PTPRS: variants seen among roughly 807,000 people sequenced by gnomAD.
PTPRS encodes receptor-type tyrosine-protein phosphatase S.
A neutral mutation model predicts 215.3 loss-of-function variants in PTPRS; 63 were observed. The observed-to-expected ratio is 0.29, with a 90% CI of 0.24 to 0.36. The LOEUF (loss-of-function observed/expected upper bound fraction) is 0.36, where lower values mean the gene tolerates loss of function less well. Ranked by LOEUF, PTPRS falls within the 10% of genes least tolerant of loss-of-function variation. PTPRS has a pLI of 1.00. For synonymous variants in PTPRS, 1,404 were observed against 1,191.4 expected, an observed-to-expected ratio of 1.18 and a Z score of -3.68; for missense variants, 2,258 against 2,825.8, an observed-to-expected ratio of 0.80 and a Z score of 4.56.
intron 12 of PTPRS, among the ~76,000 whole-genome samples, chr19:5,239,339 C>G (rs1461146269): frequency 1.4e-5 from 2 of 148,138 alleles, no homozygotes; most frequent in Non-Finnish European, 3.0e-5. Flanking sequence ...CAGAGAGAAA[C>G]AGGGGAGAGA....
At chr19:5,285,494 A>C (rs1373489624) in intron 2 of PTPRS, among the ~76,000 whole-genome samples, 1 of 152,112 alleles carries the variant, frequency 6.6e-6, no homozygotes, top group Non-Finnish European at 1.5e-5. Flanking sequence ...CTATCGGCGA[A>C]CTCCTATACA....
chr19:5,239,610 A>G (rs940579358), intron 12 of PTPRS, among the ~76,000 whole-genome samples: 2 of 151,422 alleles, frequency 1.3e-5, no homozygotes, highest in Non-Finnish European at 3.0e-5. Context: ...ACAGAGAAAC[A>G]GGGGAGAGAG....
chr19:5,297,387 G>A (rs1215616198), intron 1 of PTPRS, among the ~76,000 whole-genome samples: 7 of 152,134 alleles, frequency 4.6e-5, no homozygotes, highest in African/African-American at 7.2e-5. Flanking sequence ...TCATGCGGCC[G>A]TTCTCATTCA....
chr19:5,216,301 G>C (rs2041444775), intron 26 of PTPRS, among the ~76,000 whole-genome samples: 1 of 152,142 alleles, frequency 6.6e-6, no homozygotes, highest in Non-Finnish European at 1.5e-5. Flanking sequence ...TGGGTCTGCA[G>C]AACCCTGACC....
chr19:5,296,097 G>A (rs560200893), intron 1 of PTPRS, among the ~76,000 whole-genome samples: 4 of 152,086 alleles, frequency 2.6e-5, no homozygotes, highest in Non-Finnish European at 5.9e-5. Context: ...TCCAAGCCCC[G>A]ATGCCAGGCA....
Position 5,222,850 on chromosome 19 carries a change from GT to G in PTPRS, c.2941del (p.Thr981LeufsTer20). On this transcript the variant is annotated frameshift_variant, in exon 18 of 38. Transcript: ENST00000262963. LOFTEE classifies it high-confidence loss of function. ...EAGALGPARE[T>X]ELPAAAEPGA... ...CGGCTCAGCCGCTGCCGGCAGCTCA[GT>G]CTCTCGGGCAGGGCCCAGGGCACCG... The G allele has an allele frequency of 6.3e-7, 1 of 1,592,966 alleles. No homozygotes were observed. Among genetic ancestry groups the G allele is most frequent in the Non-Finnish European group, 8.5e-7 (1 of 1,175,968 alleles).
In PTPRS at chr19:5,257,217, CCCACAAGG is replaced by C. The variant is rs1409906680; in HGVS notation, c.706+792_706+799del. Among the ~76,000 whole-genome samples, 2 of 151,524 alleles carry C rather than the reference CCCACAAGG, an allele frequency of 1.3e-5. No homozygotes were observed. Among genetic ancestry groups the C allele is most frequent in the Non-Finnish European group, 2.9e-5 (2 of 67,846 alleles). ...GCACCTTTGAGGCAGCACCAAGGGA[CCCACAAGG>C]AAGTAAGCTTCCTTGGGGCAGGGGA... On this transcript the variant is annotated intron_variant, in intron 8 of 37. Transcript: ENST00000262963. The surrounding 1 kb of genome is among the most constrained non-coding windows in gnomAD (Gnocchi z 4.4).
chr19:5,215,451 G>T, intron 27 of PTPRS, 39 bp from the exon 28 acceptor site: 1 of 1,610,072 alleles, frequency 6.2e-7, no homozygotes, highest in Admixed American at 1.7e-5. Flanking sequence ...CAGGGTAGGT[G>T]CCTGTGAGGC....
At chr19:5,300,781 A>AAAAAAG (rs2049279734) in intron 1 of PTPRS, among the ~76,000 whole-genome samples, 2 of 151,128 alleles carry the variant, frequency 1.3e-5, no homozygotes, top group Non-Finnish European at 3.0e-5. Context: ...AAAAAAAAAA[A>AAAAAAG]AAAAGAAAAG....
At position 5,206,590 on chromosome 19, in the gene PTPRS, G is replaced by T; in HGVS notation, c.*184C>A. The T allele has an allele frequency of 1.8e-6, 1 of 548,030 alleles. No homozygotes were observed. Among genetic ancestry groups the T allele is most frequent in the South Asian group, 2.2e-5 (1 of 45,414 alleles). 33.9% of individuals were successfully genotyped at this position (548,030 alleles called of 1,614,324 possible). ...GCGGCCGGTGCCAGGGAGGTCGCTG[G>T]GGCGGCCGGGGCCGGTGGGGGGGCT... On this transcript the variant is annotated 3_prime_UTR_variant, in exon 38 of 38. Coordinates refer to ENST00000262963, the MANE Select transcript of PTPRS (RefSeq NM_002850.4).
At chr19:5,229,184 G>T (rs2042783025) in intron 16 of PTPRS, 132 bp downstream of exon 16, 2 of 1,039,154 alleles carry the variant, frequency 1.9e-6, no homozygotes, top group South Asian at 4.6e-5. Context: ...ATGGGAGAGC[G>T]AGGGGCGCAT....
intron 1 of PTPRS, among the ~76,000 whole-genome samples, chr19:5,292,534 C>G (rs967219424): frequency 2.6e-5 from 4 of 152,200 alleles, no homozygotes; most frequent in Non-Finnish European, 5.9e-5. Context: ...CTGCCCTGAC[C>G]GTCTCAGAAG....
chr19:5,286,540 G>A (rs953042208), intron 1 of PTPRS, among the ~76,000 whole-genome samples: 2 of 152,184 alleles, frequency 1.3e-5, no homozygotes, highest in African/African-American at 2.4e-5. Context: ...CGGGATTAGT[G>A]TCATAAAGGA....
In PTPRS at chr19:5,226,744, C is replaced by T. The variant is rs184042384; in HGVS notation, c.2377-900G>A. Among the ~76,000 whole-genome samples, 232 of 146,854 alleles carry T rather than the reference C, an allele frequency of 1.6e-3. 1 individual carries two copies. The highest frequency in any genetic ancestry group is 5.9e-3 in the African/African-American group (218 of 37,230). ...AGCCTGGGTGACAGAGCAAGACTGT[C>T]TCAAAAATAAATAAATAAACTGTAT... On this transcript the variant is annotated intron_variant, in intron 16 of 37. Transcript: ENST00000262963.
At chr19:5,309,028 C>G (rs1470959879) in intron 1 of PTPRS, among the ~76,000 whole-genome samples, 1 of 152,178 alleles carries the variant, frequency 6.6e-6, no homozygotes, top group Non-Finnish European at 1.5e-5. Context: ...TACAGCCTGC[C>G]TGGCACTAGG....
chr19:5,302,515 T>C (rs2049332693), intron 1 of PTPRS, among the ~76,000 whole-genome samples: 1 of 152,142 alleles, frequency 6.6e-6, no homozygotes, highest in Non-Finnish European at 1.5e-5. Context: ...ACAATGAAAA[T>C]AGTACCCAGT....
Position 5,295,772 on chromosome 19 carries a change from G to A in PTPRS, c.-94-9538C>T, listed in dbSNP as rs570209989. Among the ~76,000 whole-genome samples the A allele has an allele frequency of 3.1e-4, 47 of 152,218 alleles. No individual in the cohort carries two copies. Among genetic ancestry groups the A allele is most frequent in the African/African-American group, 1.1e-3 (46 of 41,578 alleles). On this transcript the variant is annotated intron_variant, in intron 1 of 37. Transcript: ENST00000262963. This position sits in a 1 kb window ranked among gnomAD's most constrained non-coding sequence, Gnocchi z 4.6. ...TACCCTTTTTTCAAGACAGGGTCTC[G>A]CTCTGTTGCTCAGGCTGGAGTGCAG...
chr19:5,223,045 T>A lies in PTPRS; in HGVS notation c.2747A>T (p.Glu916Val), dbSNP rs527272427. ...AARSRGGLGE[E>V]AAEVLSIPED... is the part of the protein sequence containing the mutation. ...CGGGATGCTCAGGACCTCGGCTGCC[T>A]CCTCGCCCAGGCCGCCGCGGCTCCG... The change falls in exon 18 of 38, where the codon GAG (glutamate) becomes GTG (valine). Residue 916 changes from glutamate (E) to valine (V), a missense_variant. Coordinates refer to ENST00000262963, the MANE Select transcript of PTPRS (RefSeq NM_002850.4). 2 of 1,548,386 alleles carry A rather than the reference T, an allele frequency of 1.3e-6. No individual in the cohort carries two copies. Among genetic ancestry groups the A allele is most frequent in the Non-Finnish European group, 1.7e-6 (2 of 1,147,934 alleles).
chr19:5,338,210 C>T lies in PTPRS; in HGVS notation c.-95+2454G>A, dbSNP rs1179042440. Among the ~76,000 whole-genome samples, 3 of 152,220 alleles carry T rather than the reference C, an allele frequency of 2.0e-5. No individual in the cohort carries two copies. Among genetic ancestry groups the T allele is most frequent in the Non-Finnish European group, 4.4e-5 (3 of 68,034 alleles). ...CCCCCTGGGGGGTTAGGGGCAATGT[C>T]ATCGGCCAGGGTGGCAGAAATAGAA... is the stretch of plus-strand genomic sequence containing the variant. On this transcript the variant is annotated intron_variant, in intron 1 of 37. Transcript: ENST00000262963. The surrounding 1 kb of genome is among the most constrained non-coding windows in gnomAD (Gnocchi z 4.2).
Sources: allele counts gnomAD v4.1 joint callset (sites outside exome capture counted in the v4.1 genomes callset), GRCh38; gene constraint gnomAD v4.1.1; non-coding constraint Gnocchi (gnomAD v3.1); transcripts MANE v1.5; gene names NCBI Gene and HGNC (gene_info 2026-07-23, HGNC 2026-07-21).